The following AFG1L variants were observed in gnomAD, a reference collection of about 807,000 sequenced individuals.
AFG1L encodes the protein AFG1 like ATPase, also known as AFG1-like ATPase.
Under a neutral mutation model 62.2 loss-of-function variants are expected in AFG1L, and 53 were observed. That is an observed-to-expected ratio of 0.85 (90% CI 0.68 to 1.07). The LOEUF (loss-of-function observed/expected upper bound fraction) is 1.07. Among genes scored for constraint, AFG1L ranks in the 50% least tolerant of loss-of-function variants. The pLI, the probability that AFG1L is intolerant of heterozygous loss-of-function variation, is 0.00. For missense variants in AFG1L, 555 were observed against 590.5 expected, an observed-to-expected ratio of 0.94 and a Z score of 0.62; for synonymous variants, 228 against 210.3, an observed-to-expected ratio of 1.08 and a Z score of -0.73.
intron 6 of AFG1L, among the ~76,000 whole-genome samples, chr6:108,386,629 A>T (rs1780774360): frequency 6.6e-6 from 1 of 152,218 alleles, no homozygotes; most frequent in South Asian, 2.1e-4. Flanking sequence ...AATGGTGAAT[A>T]GTGGGGTAAA....
At chr6:108,300,038 A>G (rs1484585059) in intron 1 of AFG1L, among the ~76,000 whole-genome samples, 3 of 152,274 alleles carry the variant, frequency 2.0e-5, no homozygotes, top group East Asian at 3.9e-4. Context: ...ATTTCTTTTT[A>G]TTATGCTGAC....
At chr6:108,337,028 T>TTGTA (rs1015434196) in intron 2 of AFG1L, among the ~76,000 whole-genome samples, 2 of 152,154 alleles carry the variant, frequency 1.3e-5, no homozygotes, top group Admixed American at 6.5e-5. Context: ...TAAATGTGAA[T>TTGTA]TGTATGTATG....
intron 11 of AFG1L, among the ~76,000 whole-genome samples, chr6:108,517,006 T>G (rs917634055): frequency 1.2e-4 from 19 of 152,004 alleles, no homozygotes; most frequent in Non-Finnish European, 2.1e-4. Flanking sequence ...TAAAAGAGGA[T>G]ACAAACAAAT....
chr6:108,307,960 T>C (rs1287457168), intron 1 of AFG1L, among the ~76,000 whole-genome samples: 1 of 152,226 alleles, frequency 6.6e-6, no homozygotes, highest in African/African-American at 2.4e-5. Context: ...TACTGGACAT[T>C]TGGATAGGCT....
intron 6 of AFG1L, among the ~76,000 whole-genome samples, chr6:108,398,258 G>T (rs1781403816): frequency 6.6e-6 from 1 of 152,160 alleles, no homozygotes; most frequent in Admixed American, 6.5e-5. Context: ...CTTCTTTTAA[G>T]AAATGTTTAT....
In AFG1L at chr6:108,525,690, A is replaced by G. The variant is rs751378586; in HGVS notation, c.*3265A>G. ...AGATAGGTGCCATTATAATCATTTT[A>G]TAGACAGGGAAGCTGAGACACAGAA... is the stretch of plus-strand genomic sequence containing the variant. On this transcript the variant is annotated 3_prime_UTR_variant, in exon 13 of 13. Coordinates refer to ENST00000368977, the MANE Select transcript of AFG1L (RefSeq NM_145315.5). 2.0e-5 allele frequency: 3 copies of G among 152,246 alleles called. No homozygotes were observed. Among genetic ancestry groups the G allele is most frequent in the Non-Finnish European group, 2.9e-5 (2 of 68,052 alleles). 9.4% of individuals were successfully genotyped at this position (152,246 alleles called of 1,614,324 possible).
At chr6:108,507,449 A>G (rs1021033466) in intron 10 of AFG1L, among the ~76,000 whole-genome samples, 6 of 152,228 alleles carry the variant, frequency 3.9e-5, no homozygotes, top group Non-Finnish European at 4.4e-5. Flanking sequence ...AGGGGAAGGA[A>G]TAGTTGCTAA....
intron 2 of AFG1L, among the ~76,000 whole-genome samples, chr6:108,331,877 C>T (rs1215843641): frequency 1.3e-5 from 2 of 152,114 alleles, no homozygotes; most frequent in Non-Finnish European, 2.9e-5. Context: ...GACATCGTAG[C>T]CCAAGAGACC....
chr6:108,384,013 A>G (rs2114565156), intron 6 of AFG1L, among the ~76,000 whole-genome samples: 1 of 151,946 alleles, frequency 6.6e-6, no homozygotes, highest in South Asian at 2.1e-4. Flanking sequence ...TAATAATGAT[A>G]AATTCTGAGC....
chr6:108,344,270 G>A (rs1013398676), intron 2 of AFG1L, among the ~76,000 whole-genome samples: 6 of 152,022 alleles, frequency 3.9e-5, no homozygotes, highest in Non-Finnish European at 7.4e-5. Flanking sequence ...GCACCACAGC[G>A]CCCAGCTAAT....
chr6:108,402,027 C>T lies in AFG1L; in HGVS notation c.780C>T (p.Asn260=). 1.3e-6 allele frequency: 2 copies of T among 1,519,866 alleles called. No individual in the cohort carries two copies. The highest frequency in any genetic ancestry group is 1.8e-6 in the Non-Finnish European group (2 of 1,128,224). 94.1% of individuals were successfully genotyped at this position (1,519,866 alleles called of 1,614,324 possible). A position where few individuals can be genotyped will look rare whatever the true frequency, so the allele number is the denominator to read the frequency against. The change falls in exon 7 of 13, where the codon AAC becomes AAT. Residue 260 remains asparagine (N), a synonymous_variant. Transcript: ENST00000368977. ...ATAAAAATGGACTCCAAAGAGCTAACTTTGTACCATTCATAGCAGTCTTGA... is the reference window on the plus strand; with the variant it reads ...ATAAAAATGGACTCCAAAGAGCTAATTTTGTACCATTCATAGCAGTCTTGA... The part of the protein sequence containing the change: ...DLYKNGLQRA[N]FVPFIAVLKE...
chr6:108,381,912 A>G (rs1232797688), intron 6 of AFG1L, among the ~76,000 whole-genome samples: 1 of 152,182 alleles, frequency 6.6e-6, no homozygotes, highest in Non-Finnish European at 1.5e-5. Flanking sequence ...TGGCAGATTA[A>G]CAGAAGGTGC....
At chr6:108,420,656 A>G (rs2114686963) in intron 7 of AFG1L, among the ~76,000 whole-genome samples, 1 of 151,906 alleles carries the variant, frequency 6.6e-6, no homozygotes, top group South Asian at 2.1e-4. Flanking sequence ...GTCAGGGCCT[A>G]TCTATAGAAA....
intron 5 of AFG1L, chr6:108,359,952 A>G (rs1779458340): frequency 6.6e-6 from 1 of 152,214 alleles, no homozygotes; most frequent in South Asian, 2.1e-4. Context: ...GTGAAGACGT[A>G]TTTCCCTATG....
In AFG1L at chr6:108,507,086, A is replaced by G. The variant is rs553351452; in HGVS notation, c.1063-3126A>G. Among the ~76,000 whole-genome samples the G allele has an allele frequency of 6.6e-5, 10 of 152,320 alleles. No individual in the cohort carries two copies. In the South Asian group the frequency reaches 2.1e-3, roughly 32 times the overall value. ...ATTCTTCTTTCTCATGTTTTTAAAG[A>G]AAAAAGTAGTATTGCTATCTCTCGT... On this transcript the variant is annotated intron_variant, in intron 10 of 12. Coordinates refer to ENST00000368977, the MANE Select transcript of AFG1L (RefSeq NM_145315.5).
chr6:108,366,718 C>G (rs796507041), intron 6 of AFG1L, among the ~76,000 whole-genome samples: 10 of 152,104 alleles, frequency 6.6e-5, no homozygotes, highest in African/African-American at 2.4e-4. Flanking sequence ...CGAAAACTTG[C>G]TTGCATGAAT....
chr6:108,341,793 G>T (rs1026101554), intron 2 of AFG1L, among the ~76,000 whole-genome samples: 1 of 152,014 alleles, frequency 6.6e-6, no homozygotes, highest in Non-Finnish European at 1.5e-5. Context: ...ATTAGAGAAG[G>T]TGTCATCATC....
intron 6 of AFG1L, among the ~76,000 whole-genome samples, chr6:108,397,764 C>G (rs79242601): frequency 0.04 from 6,121 of 152,270 alleles, 385 homozygotes; most frequent in African/African-American, 0.14. Context: ...CCTCCAGTTT[C>G]ATCCATGTTG....
intron 6 of AFG1L, among the ~76,000 whole-genome samples, chr6:108,400,923 G>A (rs945051825): frequency 4.9e-5 from 7 of 143,814 alleles, no homozygotes; most frequent in Admixed American, 1.5e-4. Context: ...GAGCAATTCT[G>A]TTGATGTATT....
Sources: gnomAD v4.1 joint callset for allele counts (sites outside exome capture counted in the v4.1 genomes callset) on GRCh38, gnomAD v4.1.1 for gene constraint, MANE v1.5 for transcripts, NCBI Gene and HGNC (gene_info 2026-07-23, HGNC 2026-07-21) for gene names.